Variants in PARP1 observed in about 807,000 individuals in gnomAD.
PARP1 encodes poly(ADP-ribose) polymerase 1, also known as poly [ADP-ribose] polymerase 1.
PARP1 carries 44 observed loss-of-function variants against 118.7 expected under a neutral mutation model. The observed-to-expected ratio is 0.37, with a 90% CI of 0.29 to 0.48. PARP1 has a LOEUF of 0.48. PARP1 is among the 20% of genes least tolerant of loss of function. The pLI is 0.99. For missense variants in PARP1, 1,100 were observed against 1,272.4 expected, an observed-to-expected ratio of 0.86 and a Z score of 2.06; for synonymous variants, 492 against 483.2, an observed-to-expected ratio of 1.02 and a Z score of -0.24.
At chr1:226,388,225 G>A (rs527791257) in intron 5 of PARP1, among the ~76,000 whole-genome samples, 4 of 152,324 alleles carry the variant, frequency 2.6e-5, no homozygotes, top group African/African-American at 9.6e-5. Flanking sequence ...TTTAAAAAAT[G>A]TGGAGACACT....
At chr1:226,375,485 T>C (rs1193540910) in intron 13 of PARP1, among the ~76,000 whole-genome samples, 1 of 152,160 alleles carries the variant, frequency 6.6e-6, no homozygotes, top group Non-Finnish European at 1.5e-5. Flanking sequence ...CAGGACGGGA[T>C]TCAATGCAGC....
Position 226,368,208 on chromosome 1 carries a change from G to C in PARP1, c.2268C>G (p.Asp756Glu), listed in dbSNP as rs1475707151. The C allele has an allele frequency of 1.2e-6, 2 of 1,614,102 alleles. No homozygotes were observed. Among genetic ancestry groups the C allele is most frequent in the African/African-American group, 2.7e-5 (2 of 74,928 alleles). Reference protein sequence around the residue: ...MKKPPLLNNADSVQAKVEMLD... With the variant: ...MKKPPLLNNAESVQAKVEMLD... ...TGAACCCTTGCGCTACCTGCACACT[G>C]TCTGCATTGTTCAGGAGCGGAGGCT... Residue 756 changes from aspartate (D) to glutamate (E), a missense_variant, in exon 16 of 23, where the codon GAC becomes GAG. Asp to Glu is a conservative substitution (Grantham distance 45). Coordinates refer to ENST00000366794, the MANE Select transcript of PARP1 (RefSeq NM_001618.4).
intron 2 of PARP1, among the ~76,000 whole-genome samples, chr1:226,401,073 G>A (rs919000272): frequency 2.0e-5 from 3 of 152,172 alleles, no homozygotes; most frequent in Non-Finnish European, 4.4e-5. Context: ...GTCACCTGAC[G>A]TGACCTGTAC....
chr1:226,360,950 C>T lies in PARP1; in HGVS notation c.*510G>A, dbSNP rs1553293817. 4.4e-6 allele frequency: 1 copy of T among 226,562 alleles called. No individual in the cohort carries two copies. The highest frequency in any genetic ancestry group is 8.7e-6 in the Non-Finnish European group (1 of 114,396). 14.0% of individuals were successfully genotyped at this position (226,562 alleles called of 1,614,324 possible). On this transcript the variant is annotated 3_prime_UTR_variant, in exon 23 of 23. Coordinates refer to ENST00000366794, the MANE Select transcript of PARP1 (RefSeq NM_001618.4). ...CACACCCCTCACCACAAGAGGCAAACAAAAAAAACTAAAAAGGGGACAATA... is the reference window on the plus strand; with the variant it reads ...CACACCCCTCACCACAAGAGGCAAATAAAAAAAACTAAAAAGGGGACAATA...
chr1:226,362,123 C>G, intron 21 of PARP1, 40 bp from the exon 22 acceptor site: 1 of 1,116,568 alleles, frequency 9.0e-7, no homozygotes, highest in Non-Finnish European at 1.4e-6. Flanking sequence ...ACTGTGAGTA[C>G]AGATGTGGCA....
In PARP1 at chr1:226,361,300, G is replaced by A. The variant is rs1365323996; in HGVS notation, c.*160C>T. On this transcript the variant is annotated 3_prime_UTR_variant, in exon 23 of 23. Transcript: ENST00000366794. ...CAACACAAAACAAGGGACTTGAGAA[G>A]TTAGAGAAAACCTTTAACACGTTTC... 2.9e-6 allele frequency: 2 copies of A among 693,624 alleles called. No individual in the cohort carries two copies. Among genetic ancestry groups the A allele is most frequent in the African/African-American group, 1.8e-5 (1 of 56,548 alleles). The allele number at this position is 693,624 out of a possible 1,614,324, so 43.0% of individuals were successfully genotyped here.
intron 13 of PARP1, 24 bp from the exon 14 acceptor site, chr1:226,374,378 A>G (rs1342526080): frequency 1.2e-6 from 2 of 1,614,018 alleles, no homozygotes; most frequent in African/African-American, 2.7e-5. Flanking sequence ...GCACATTGCT[A>G]AGAGACCCAA....
intron 13 of PARP1, 143 bp downstream of exon 13, chr1:226,376,956 TGGGGGAGAA>T: frequency 1.3e-6 from 1 of 761,638 alleles, no homozygotes; most frequent in Non-Finnish European, 2.3e-6. Flanking sequence ...CTTCTATTTT[TGGGGGAGAA>T]TTTGTGAAGG....
At chr1:226,381,003 C>G in intron 9 of PARP1, 65 bp downstream of exon 9, 1 of 1,576,674 alleles carries the variant, frequency 6.3e-7, no homozygotes. Flanking sequence ...TCCTCACTTA[C>G]TCGTCATCAC....
intron 3 of PARP1, among the ~76,000 whole-genome samples, chr1:226,391,098 C>T (rs1467894959): frequency 6.7e-6 from 1 of 150,306 alleles, no homozygotes; most frequent in Admixed American, 6.7e-5. Context: ...GCCTCCCAGG[C>T]TTAAGTGACC....
In PARP1 at chr1:226,383,570, T is replaced by TC. The variant is rs911012109; in HGVS notation, c.1012-388dup. Among the ~76,000 whole-genome samples, 11 of 152,248 alleles carry TC rather than the reference T, an allele frequency of 7.2e-5. 1 individual carries two copies. The highest frequency in any genetic ancestry group is 2.4e-4 in the African/African-American group (10 of 41,556). On this transcript the variant is annotated intron_variant, in intron 7 of 22. Transcript: ENST00000366794. ...CGAGAGTTAATAGGCCTCTGTGGGA[T>TC]CACATGCCTACTCCAGAACTCCAAG...
chr1:226,371,414 C>G (rs1008102427), intron 14 of PARP1, among the ~76,000 whole-genome samples: 1 of 152,298 alleles, frequency 6.6e-6, no homozygotes, highest in East Asian at 1.9e-4. Flanking sequence ...AATGGAACTG[C>G]TATGGTGATA....
At position 226,386,397 on chromosome 1, in the gene PARP1, C is replaced by T. The variant is rs770537059; in HGVS notation, c.763G>A (p.Val255Met). Residue 255 changes from valine to methionine, a missense_variant, in exon 6 of 23, where the codon GTG becomes ATG. This residue lies in a region of PARP1 where 948 missense variants were observed against 1,031.8 expected (regional missense o/e 0.92). Coordinates refer to ENST00000366794, the MANE Select transcript of PARP1 (RefSeq NM_001618.4). ...TCCTTCAGGTCATTAGTTGAACACA[C>T]TTTCTTTAGCTCGTCCTTGATGTTC... ...IWNIKDELKK[V>M]CSTNDLKELL... 2 of 1,614,092 alleles carry T rather than the reference C, an allele frequency of 1.2e-6. No homozygotes were observed. Among genetic ancestry groups the T allele is most frequent in the Non-Finnish European group, 1.7e-6 (2 of 1,179,940 alleles).
chr1:226,365,247 G>A (rs1481581477), intron 18 of PARP1, 93 bp from the exon 19 acceptor site: 34 of 1,378,044 alleles, frequency 2.5e-5, no homozygotes, highest in Non-Finnish European at 3.3e-5. Context: ...AGAAATGACC[G>A]GCTGTCCCTA....
In PARP1 at chr1:226,407,873, G is replaced by A. The variant is rs1199028061; in HGVS notation, c.57C>T (p.Ala19=). 1 of 1,610,872 alleles carries A rather than the reference G, an allele frequency of 6.2e-7. No individual in the cohort carries two copies. Among genetic ancestry groups the A allele is most frequent in the South Asian group, 1.1e-5 (1 of 90,758 alleles). ...TGCTCTCGCTGCATTTCTTGCAAGA[G>A]GCGCGCCCGCTCTTGGCGTACTCGA... ...YRVEYAKSGR[A]SCKKCSESIP... is the part of the protein sequence containing the mutation. The change falls in exon 1 of 23, where the codon GCC becomes GCT. Residue 19 remains alanine (A), a synonymous_variant. Coordinates refer to ENST00000366794, the MANE Select transcript of PARP1 (RefSeq NM_001618.4).
intron 2 of PARP1, chr1:226,392,778 A>C (rs191080630): frequency 4.7e-6 from 3 of 637,542 alleles, no homozygotes; most frequent in Non-Finnish European, 7.8e-6. Context: ...AATATGTACT[A>C]AAGGTATCAT....
At position 226,374,314 on chromosome 1, in the gene PARP1, G is replaced by A. The variant is rs2102732359; in HGVS notation, c.1982C>T (p.Thr661Ile). The stretch of plus-strand genomic sequence containing the variant: ...AACTGGCTTGGGGAGCTTGGACTTG[G>A]TGCCAGGATTTACTGTCAGCTTCTT... ...AVKKLTVNPG[T>I]KSKLPKPVQD... The change falls in exon 14 of 23, where the codon ACC becomes ATC. Residue 661 changes from threonine to isoleucine, a missense_variant. Coordinates refer to ENST00000366794, the MANE Select transcript of PARP1 (RefSeq NM_001618.4). 1 of 1,614,176 alleles carries A rather than the reference G, an allele frequency of 6.2e-7. No homozygotes were observed. Among genetic ancestry groups the A allele is most frequent in the Non-Finnish European group, 8.5e-7 (1 of 1,180,012 alleles).
chr1:226,370,449 GA>G lies in PARP1; in HGVS notation c.2138del (p.Leu713ProfsTer27). On this transcript the variant is annotated frameshift_variant, in exon 15 of 23. Coordinates refer to ENST00000366794, the MANE Select transcript of PARP1 (RefSeq NM_001618.4). LOFTEE classifies it high-confidence loss of function. ...CTGTGCTTACCTGCTGGACCTCACT[GA>G]GGATGGAGTATGCGGCCTGGATCTG... ...KRQIQAAYSI[L>X]SEVQQAVSQG... 1 of 1,613,926 alleles carries G rather than the reference GA, an allele frequency of 6.2e-7. No individual in the cohort carries two copies. The highest frequency in any genetic ancestry group is 8.5e-7 in the Non-Finnish European group (1 of 1,179,822).
chr1:226,391,710 A>G lies in PARP1; in HGVS notation c.402+489T>C, dbSNP rs140137873. Among the ~76,000 whole-genome samples, 86 of 152,330 alleles carry G rather than the reference A, an allele frequency of 5.6e-4. No individual in the cohort carries two copies. The East Asian group carries it at 0.013, about 22-fold the overall frequency. On this transcript the variant is annotated intron_variant, in intron 3 of 22. Transcript: ENST00000366794. ...AATTAATATGTGCATGTCACATTAG[A>G]GAAGGGTGAGAAGGCTGCGGGGCAC... is the stretch of plus-strand genomic sequence containing the variant.
Sources: allele counts gnomAD v4.1 joint callset (sites outside exome capture counted in the v4.1 genomes callset), GRCh38; gene constraint gnomAD v4.1.1; regional missense constraint gnomAD v4.1.1; transcripts MANE v1.5; gene names NCBI Gene and HGNC (gene_info 2026-07-23, HGNC 2026-07-21).